Variants in REPS2 observed in about 807,000 individuals in gnomAD.
REPS2 encodes RALBP1 associated Eps domain containing 2.
Under a neutral mutation model 53.6 loss-of-function variants are expected in REPS2, and 23 were observed. The observed-to-expected ratio is 0.43, with a 90% CI of 0.31 to 0.61. The LOEUF (loss-of-function observed/expected upper bound fraction) is 0.61. REPS2 is among the 20% of genes least tolerant of loss of function. REPS2 has a pLI of 0.11. For missense variants in REPS2, 446 were observed against 534.9 expected (o/e 0.83, Z 1.64); for synonymous variants, 238 against 218.6 (o/e 1.09, Z -0.78).
chrX:17,099,029 A>G (rs1202280279), intron 13 of REPS2, among the ~76,000 whole-genome samples: 3 of 111,608 alleles, frequency 2.7e-5, no homozygotes, highest in African/African-American at 9.8e-5. Flanking sequence ...TCCTCAGTCA[A>G]TTTCCATCTC....
At position 17,152,063 on chromosome X, in the gene REPS2, G is replaced by A. The variant is rs760717189; in HGVS notation, c.*4582G>A. On this transcript the variant is annotated 3_prime_UTR_variant, in exon 18 of 18. Transcript: ENST00000357277. ...TGGGTATTACTCTGTGAGCCACCCT[G>A]CTTCGCTTGTTTGTAAGGAGAAATG... The A allele has an allele frequency of 9.0e-6, 1 of 111,299 alleles. No individual in the cohort carries two copies. Among genetic ancestry groups the A allele is most frequent in the East Asian group, 2.8e-4 (1 of 3,535 alleles). The allele number at this position is 111,299 out of a possible 1,213,427, so 9.2% of individuals were successfully genotyped here.
intron 5 of REPS2, among the ~76,000 whole-genome samples, chrX:17,042,372 T>C (rs185182272): frequency 8.9e-6 from 1 of 111,738 alleles, no homozygotes; most frequent in East Asian, 2.8e-4. Context: ...GCCTTCAGGC[T>C]TCAAAATGAG....
chrX:17,024,524 T>C (rs1311102520), intron 3 of REPS2, among the ~76,000 whole-genome samples: 1 of 108,446 alleles, frequency 9.2e-6, no homozygotes, highest in Non-Finnish European at 1.9e-5. Flanking sequence ...GTTGGAATGG[T>C]TTACCTATAA....
Position 17,135,821 on chromosome X carries a change from C to G in REPS2, c.1808+415C>G, listed in dbSNP as rs764326566. The G allele has an allele frequency of 3.8e-5, 5 of 130,541 alleles. No individual in the cohort carries two copies. The South Asian group carries it at 1.6e-3, about 42-fold the overall frequency. 10.8% of individuals were successfully genotyped at this position (130,541 alleles called of 1,213,427 possible). A position where few individuals can be genotyped will look rare whatever the true frequency, so the allele number is the denominator to read the frequency against. Reference sequence around the variant, plus strand: ...GCTCCTTCACCCACAGACACACTTTCAGTAGGTGTGGTATGTGATTCTTTT... The same window carrying G: ...GCTCCTTCACCCACAGACACACTTTGAGTAGGTGTGGTATGTGATTCTTTT... On this transcript the variant is annotated intron_variant, in intron 16 of 17. Transcript: ENST00000357277.
At chrX:16,986,125 T>C (rs993364900) in intron 1 of REPS2, among the ~76,000 whole-genome samples, 2 of 112,052 alleles carry the variant, frequency 1.8e-5, no homozygotes, top group Admixed American at 1.9e-4. Context: ...TTAATGCAAC[T>C]TATATATTGT....
At chrX:17,170,935 C>T in the REPS2 span, among the ~76,000 whole-genome samples, 4 of 112,993 alleles carry the variant, frequency 3.5e-5, no homozygotes, top group Non-Finnish European at 7.5e-5. Context: ...CCTCTGCCCA[C>T]CTCTCTCTGC....
intron 2 of REPS2, among the ~76,000 whole-genome samples, chrX:17,019,871 T>A (rs1193150946): frequency 1.8e-5 from 2 of 112,019 alleles, no homozygotes; most frequent in Non-Finnish European, 3.8e-5. Flanking sequence ...TACAAACTAC[T>A]TTTACCTTTC....
chrX:16,954,584 A>G (rs2147611135), intron 1 of REPS2, among the ~76,000 whole-genome samples: 1 of 111,344 alleles, frequency 9.0e-6, no homozygotes, highest in African/African-American at 3.3e-5. Context: ...AATACTGTCA[A>G]GCCTTTGGCT....
At chrX:17,123,629 G>A (rs538898221) in intron 14 of REPS2, among the ~76,000 whole-genome samples, 1 of 112,391 alleles carries the variant, frequency 8.9e-6, no homozygotes, top group African/African-American at 3.2e-5. Flanking sequence ...GGTCTACCGA[G>A]GGGGGTGCCC....
rs763933994 is a variant in REPS2 at position 17,054,797 on chromosome X, G to A, written c.972-11G>A. ...CCCATGGTAGGTACTCATGACATTT[G>A]TTTCATTTAGGGAGCTTAGTGATGC... On this transcript the variant is annotated splice_polypyrimidine_tract_variant and intron_variant, in intron 7 of 17. Transcript: ENST00000357277. 2 of 1,209,091 alleles carry A rather than the reference G, an allele frequency of 1.7e-6. No individual in the cohort carries two copies. The highest frequency in any genetic ancestry group is 3.0e-5 in the East Asian group (1 of 33,677).
At chrX:17,155,191 G>A (rs2063603504), downstream of REPS2, among the ~76,000 whole-genome samples, 1 of 111,709 alleles carries the variant, frequency 9.0e-6, no homozygotes, top group African/African-American at 3.3e-5. Context: ...GGCCACATCT[G>A]GTGAGGGCAT....
the REPS2 span, among the ~76,000 whole-genome samples, chrX:17,172,760 A>C: frequency 8.9e-6 from 1 of 111,886 alleles, no homozygotes; most frequent in Non-Finnish European, 1.9e-5. Flanking sequence ...AAATTCAAAT[A>C]ACTTCCTAGA....
At chrX:17,059,414 A>G (rs1251353254) in intron 8 of REPS2, among the ~76,000 whole-genome samples, 1 of 108,986 alleles carries the variant, frequency 9.2e-6, no homozygotes, top group Non-Finnish European at 1.9e-5. Context: ...GGTGAAGAGT[A>G]TAAATTTGGT....
chrX:17,130,780 C>G (rs1302687426), intron 14 of REPS2, among the ~76,000 whole-genome samples: 1 of 111,924 alleles, frequency 8.9e-6, no homozygotes, highest in African/African-American at 3.2e-5. Context: ...CTTTGGAAAT[C>G]AAGGCCTGTG....
intron 14 of REPS2, among the ~76,000 whole-genome samples, chrX:17,107,678 G>T (rs932112196): frequency 2.7e-5 from 3 of 111,571 alleles, no homozygotes; most frequent in Admixed American, 1.9e-4. Context: ...TAAGTTAAAA[G>T]AAACATCTTT....
At position 17,152,872 on chromosome X, in the gene REPS2, A is replaced by G. The variant is rs1452883277; in HGVS notation, c.*5391A>G. The G allele has an allele frequency of 8.9e-6, 1 of 112,944 alleles. No homozygotes were observed. The highest frequency in any genetic ancestry group is 3.2e-5 in the African/African-American group (1 of 31,014). The allele number at this position is 112,944 out of a possible 1,213,427, so 9.3% of individuals were successfully genotyped here. A position where few individuals can be genotyped will look rare whatever the true frequency, so the allele number is the denominator to read the frequency against. ...AAGAGCCATTTTAGTCTTCATAGCT[A>G]TTGGCTAAGAGAGATAATGAGCTGA... On this transcript the variant is annotated 3_prime_UTR_variant, in exon 18 of 18. Coordinates refer to ENST00000357277, the MANE Select transcript of REPS2 (RefSeq NM_004726.3).
chrX:17,139,036 G>C, intron 17 of REPS2, 75 bp downstream of exon 17: 1 of 587,274 alleles, frequency 1.7e-6, no homozygotes, highest in Non-Finnish European at 2.6e-6. Context: ...AATTTAATAG[G>C]CATATAATAA....
At chrX:16,975,692 A>G in intron 1 of REPS2, among the ~76,000 whole-genome samples, 1 of 111,869 alleles carries the variant, frequency 8.9e-6, no homozygotes, top group Non-Finnish European at 1.9e-5. Context: ...TTTAGATATG[A>G]CGTATCAGAG....
the REPS2 span, among the ~76,000 whole-genome samples, chrX:17,191,462 A>G: frequency 8.9e-6 from 1 of 112,666 alleles, no homozygotes; most frequent in East Asian, 2.8e-4. Context: ...ATGTACAACA[A>G]TTGGAGCTCT....
Sources: gnomAD v4.1 joint callset for allele counts (sites outside exome capture counted in the v4.1 genomes callset) on GRCh38, gnomAD v4.1.1 for gene constraint, MANE v1.5 for transcripts, NCBI Gene and HGNC (gene_info 2026-07-23, HGNC 2026-07-21) for gene names.